ZNF131: variants seen among roughly 807,000 people sequenced by gnomAD.
ZNF131 encodes the protein zinc finger protein 131.
ZNF131 carries 7 observed loss-of-function variants against 60.0 expected under a neutral mutation model. The ratio of observed to expected loss-of-function variants is 0.12; its 90% CI spans 0.07 to 0.22. The LOEUF (loss-of-function observed/expected upper bound fraction) is 0.22, where lower values mean the gene tolerates loss of function less well. ZNF131 is among the 10% of genes least tolerant of loss of function. The pLI is 1.00. For synonymous variants in ZNF131, 257 were observed against 253.2 expected (o/e 1.01, Z -0.14); for missense variants, 493 against 740.9 (o/e 0.67, Z 3.88).
intron 2 of ZNF131, among the ~76,000 whole-genome samples, chr5:43,122,833 G>GT (rs1477437385): frequency 1.3e-5 from 2 of 152,148 alleles, no homozygotes; most frequent in Admixed American, 6.5e-5. Context: ...TGTGCTTACG[G>GT]TTTTTTTCTC....
intron 4 of ZNF131, among the ~76,000 whole-genome samples, chr5:43,155,322 A>G (rs1057060978): frequency 1.3e-5 from 2 of 152,192 alleles, no homozygotes; most frequent in Non-Finnish European, 2.9e-5. Context: ...GGAGAACCTC[A>G]GGGCCTGTAT....
At chr5:43,165,758 C>G (rs1270273030) in intron 5 of ZNF131, among the ~76,000 whole-genome samples, 1 of 152,174 alleles carries the variant, frequency 6.6e-6, no homozygotes, top group Non-Finnish European at 1.5e-5. Flanking sequence ...TAGCTCCCAA[C>G]AAGAAAGTTA....
At chr5:43,156,024 G>A (rs1024604273) in intron 4 of ZNF131, among the ~76,000 whole-genome samples, 1 of 152,198 alleles carries the variant, frequency 6.6e-6, no homozygotes, top group African/African-American at 2.4e-5. Flanking sequence ...TGTCAGGGAG[G>A]TTTGCAGGTT....
In ZNF131 at chr5:43,162,280, CTTACAGTACAT is replaced by C. The variant is rs1749772682; in HGVS notation, c.1054+355_1054+365del. Among the ~76,000 whole-genome samples the C allele has an allele frequency of 2.6e-5, 4 of 152,270 alleles. No individual in the cohort carries two copies. The South Asian group carries it at 8.3e-4, about 32-fold the overall frequency. ...TTTTTACATTTCTTGTGTCGTGTTA[CTTACAGTACAT>C]TTACAAGCAATCCCTGACAGCCAGG... On this transcript the variant is annotated intron_variant, in intron 5 of 6. Coordinates refer to ENST00000682664, the MANE Select transcript of ZNF131 (RefSeq NM_001330707.2).
At chr5:43,168,152 A>G (rs1039185365) in intron 5 of ZNF131, 3 of 281,150 alleles carry the variant, frequency 1.1e-5, no homozygotes, top group African/African-American at 2.2e-5. Context: ...TCATGAGGGC[A>G]GAGCCCTCAT....
At chr5:43,151,183 G>T (rs1486473197) in intron 4 of ZNF131, among the ~76,000 whole-genome samples, 1 of 152,170 alleles carries the variant, frequency 6.6e-6, no homozygotes, top group Non-Finnish European at 1.5e-5. Context: ...AGTGATATCA[G>T]TGAACATATC....
chr5:43,121,450 T>A (rs1369773984), intron 1 of ZNF131: 2 of 152,370 alleles, frequency 1.3e-5, no homozygotes, highest in African/African-American at 4.8e-5. Context: ...GGTAGGGGCG[T>A]GGCCCGTTCC....
chr5:43,157,416 G>T (rs908974314), intron 4 of ZNF131, among the ~76,000 whole-genome samples: 1 of 152,114 alleles, frequency 6.6e-6, no homozygotes, highest in Non-Finnish European at 1.5e-5. Flanking sequence ...TGTCTGAAAA[G>T]AGGCAGAACC....
At chr5:43,172,528 A>C (rs1042681744) in intron 5 of ZNF131, among the ~76,000 whole-genome samples, 3 of 152,090 alleles carry the variant, frequency 2.0e-5, no homozygotes, top group Admixed American at 2.0e-4. Flanking sequence ...AGGCTGAGAC[A>C]CAAGAATCAC....
intron 6 of ZNF131, among the ~76,000 whole-genome samples, chr5:43,174,176 C>T (rs1346537726): frequency 1.3e-5 from 2 of 152,264 alleles, no homozygotes; most frequent in South Asian, 2.1e-4. Context: ...TGCAGTGAGC[C>T]GAGATCGCAC....
chr5:43,158,969 T>C (rs1052049429), intron 4 of ZNF131, among the ~76,000 whole-genome samples: 2 of 152,162 alleles, frequency 1.3e-5, no homozygotes, highest in African/African-American at 4.8e-5. Flanking sequence ...TGGAAGAAGA[T>C]AGAAGACTTC....
chr5:43,142,993 G>A (rs923408038), intron 4 of ZNF131, among the ~76,000 whole-genome samples: 2 of 151,362 alleles, frequency 1.3e-5, no homozygotes, highest in African/African-American at 2.4e-5. Flanking sequence ...ACCATACTTG[G>A]CCAGACATGG....
chr5:43,125,404 C>G (rs1744404306), intron 3 of ZNF131, among the ~76,000 whole-genome samples: 3 of 151,752 alleles, frequency 2.0e-5, no homozygotes, highest in Non-Finnish European at 4.4e-5. Context: ...GGTGATCCAC[C>G]CGCCTCTTCC....
chr5:43,122,664 G>A lies in ZNF131; in HGVS notation c.124+487G>A, dbSNP rs568220358. ...GGGGTCTTTACCAGCCTTAGGAGTT[G>A]CCTCTATAATGGAAGGAAATCCAGC... On this transcript the variant is annotated intron_variant, in intron 2 of 6. Coordinates refer to ENST00000682664, the MANE Select transcript of ZNF131 (RefSeq NM_001330707.2). 7.9e-5 allele frequency among the ~76,000 whole-genome samples: 12 copies of A among 152,276 alleles called. No homozygotes were observed. The South Asian group carries it at 1.0e-3, about 13-fold the overall frequency.
chr5:43,167,612 A>G (rs898845987), intron 5 of ZNF131, among the ~76,000 whole-genome samples: 5 of 152,146 alleles, frequency 3.3e-5, no homozygotes, highest in Non-Finnish European at 5.9e-5. Context: ...GTAAAATTTT[A>G]GCTATTTTTT....
At chr5:43,130,531 A>G (rs1461639436) in intron 3 of ZNF131, among the ~76,000 whole-genome samples, 2 of 152,012 alleles carry the variant, frequency 1.3e-5, no homozygotes, top group Non-Finnish European at 2.9e-5. Flanking sequence ...GAAGTGGTTG[A>G]TGTTTCGATT....
At chr5:43,166,301 A>G (rs932228968) in intron 5 of ZNF131, among the ~76,000 whole-genome samples, 6 of 151,986 alleles carry the variant, frequency 3.9e-5, no homozygotes, top group African/African-American at 1.5e-4. Flanking sequence ...GACTTTTGAT[A>G]TGCCTTGCTC....
At chr5:43,128,735 G>C (rs938650179) in intron 3 of ZNF131, among the ~76,000 whole-genome samples, 1 of 147,906 alleles carries the variant, frequency 6.8e-6, no homozygotes, top group African/African-American at 2.5e-5. Context: ...TCCCAGTTTT[G>C]ATTCCAAAGA....
chr5:43,171,122 A>G (rs961366585), intron 5 of ZNF131, among the ~76,000 whole-genome samples: 2 of 149,334 alleles, frequency 1.3e-5, no homozygotes, highest in Admixed American at 1.3e-4. Flanking sequence ...TTATTTTTTT[A>G]TTTCTAGTAG....
Sources: gnomAD v4.1 joint callset for allele counts (sites outside exome capture counted in the v4.1 genomes callset) on GRCh38, gnomAD v4.1.1 for gene constraint, MANE v1.5 for transcripts, NCBI Gene and HGNC (gene_info 2026-07-23, HGNC 2026-07-21) for gene names.